Variants in TRMT9B observed in about 807,000 individuals in gnomAD.
The protein encoded by TRMT9B is probable tRNA methyltransferase 9B.
TRMT9B carries 16 observed loss-of-function variants against 11.5 expected under a neutral mutation model. The observed-to-expected ratio is 1.39, with a 90% CI of 0.94 to 2.11. The LOEUF (loss-of-function observed/expected upper bound fraction) is 2.11, where lower values mean the gene tolerates loss of function less well. Among genes scored for constraint, TRMT9B ranks in the 30% most tolerant of loss-of-function variants. The probability of loss-of-function intolerance (pLI) is 0.00; values close to 1 mark genes in which losing one functional copy is unlikely to be tolerated. For synonymous variants in TRMT9B, 274 were observed against 192.4 expected (o/e 1.42, Z -3.51); for missense variants, 941 against 553.8 (o/e 1.70, Z -7.02).
intron 1 of TRMT9B, chr8:12,962,119 T>A (rs575110302): frequency 6.6e-5 from 10 of 152,514 alleles, no homozygotes; most frequent in African/African-American, 2.2e-4. Context: ...GGATTCTCCA[T>A]GCTAGCTTTC....
At chr8:12,961,180 G>A (rs1191139696) in intron 1 of TRMT9B, among the ~76,000 whole-genome samples, 2 of 151,958 alleles carry the variant, frequency 1.3e-5, no homozygotes, top group Non-Finnish European at 2.9e-5. Flanking sequence ...GTGTGATATA[G>A]TAGTGGTGGA....
At chr8:13,000,105 C>G (rs1165802819) in intron 2 of TRMT9B, among the ~76,000 whole-genome samples, 1 of 152,092 alleles carries the variant, frequency 6.6e-6, no homozygotes, top group African/African-American at 2.4e-5. Flanking sequence ...ATCAAGAGTT[C>G]TGAGGGACCC....
rs1815043713 is a variant in TRMT9B at position 13,028,940 on chromosome 8, C to G, written c.*6896C>G. ...AACGCTGGCAATACATTAAGGCTCA[C>G]TAATGTGGACCTAAGTGAGTATCTG... On this transcript the variant is annotated 3_prime_UTR_variant, in exon 5 of 5. Coordinates refer to ENST00000524591, the MANE Select transcript of TRMT9B (RefSeq NM_020844.3). The G allele has an allele frequency of 1.2e-5, 2 of 167,020 alleles. No individual in the cohort carries two copies. The highest frequency in any genetic ancestry group is 2.9e-5 in the Non-Finnish European group (2 of 68,118). The allele number at this position is 167,020 out of a possible 1,614,324, so 10.3% of individuals were successfully genotyped here.
At chr8:12,971,931 T>A (rs1438027049) in intron 1 of TRMT9B, among the ~76,000 whole-genome samples, 1 of 152,114 alleles carries the variant, frequency 6.6e-6, no homozygotes, top group Non-Finnish European at 1.5e-5. Context: ...AAACCCTAAT[T>A]TCATGGAATT....
At chr8:13,014,007 C>G (rs917170876) in intron 4 of TRMT9B, among the ~76,000 whole-genome samples, 1 of 152,098 alleles carries the variant, frequency 6.6e-6, no homozygotes, top group African/African-American at 2.4e-5. Context: ...GAAAGATGAT[C>G]TTTTATAAAA....
At chr8:12,952,154 C>G (rs1004439616) in intron 1 of TRMT9B, 3 of 453,930 alleles carry the variant, frequency 6.6e-6, no homozygotes, top group South Asian at 4.7e-5. Flanking sequence ...TGTGACTACT[C>G]GCAACGGGAG....
rs1266095612 is a variant in TRMT9B, at chr8:13,012,959, TG to T, written c.328+103del. 4 of 1,316,724 alleles carry T rather than the reference TG, an allele frequency of 3.0e-6. No homozygotes were observed. The East Asian group carries it at 1.1e-4, about 36-fold the overall frequency. The allele number at this position is 1,316,724 out of a possible 1,614,324, so 81.6% of individuals were successfully genotyped here. ...CATCCGTTCTGTGTAGAAATGTCAA[TG>T]TAATTTATTTTATCTAATTTAAAAA... is the stretch of plus-strand genomic sequence containing the variant. On this transcript the variant is annotated intron_variant, in intron 4 of 4. Coordinates refer to ENST00000524591, the MANE Select transcript of TRMT9B (RefSeq NM_020844.3).
intron 4 of TRMT9B, among the ~76,000 whole-genome samples, chr8:13,015,919 T>C (rs1027855702): frequency 3.3e-5 from 5 of 151,936 alleles, no homozygotes; most frequent in Non-Finnish European, 5.9e-5. Flanking sequence ...TAATGTGATG[T>C]GGTTATTTTC....
Position 13,000,381 on chromosome 8 carries a change from C to T in TRMT9B, c.-1-5821C>T, listed in dbSNP as rs145437065. Among the ~76,000 whole-genome samples the T allele has an allele frequency of 1.8e-3, 267 of 152,264 alleles. 2 individuals are homozygous for T. Among genetic ancestry groups the T allele is most frequent in the African/African-American group, 6.3e-3 (262 of 41,556 alleles). On this transcript the variant is annotated intron_variant, in intron 2 of 4. Coordinates refer to ENST00000524591, the MANE Select transcript of TRMT9B (RefSeq NM_020844.3). The stretch of plus-strand genomic sequence containing the variant: ...CAATGTCCTTCTCTTTGTTTTTCTA[C>T]CCTTTGGAAACATGCCAGGCCACTA...
intron 1 of TRMT9B, among the ~76,000 whole-genome samples, chr8:12,963,636 T>G (rs2128864306): frequency 6.6e-6 from 1 of 151,650 alleles, no homozygotes; most frequent in South Asian, 2.1e-4. Context: ...TAGTTCTAGC[T>G]ACTCGGGAGG....
chr8:12,997,201 G>A (rs1808518603), intron 2 of TRMT9B, among the ~76,000 whole-genome samples: 1 of 152,040 alleles, frequency 6.6e-6, no homozygotes, highest in South Asian at 2.1e-4. Context: ...CTATTGGGAT[G>A]TGTTCGGGTT....
intron 1 of TRMT9B, among the ~76,000 whole-genome samples, chr8:12,961,095 T>C (rs1235804339): frequency 6.6e-6 from 1 of 151,660 alleles, no homozygotes; most frequent in African/African-American, 2.4e-5. Context: ...GAGCCGAGAT[T>C]GCACCACTGC....
At chr8:12,966,065 C>T (rs1447941702) in intron 1 of TRMT9B, among the ~76,000 whole-genome samples, 1 of 151,338 alleles carries the variant, frequency 6.6e-6, no homozygotes, top group Non-Finnish European at 1.5e-5. Context: ...GTGATGTACA[C>T]CTATAATCCG....
chr8:12,966,799 T>C (rs1316668234), intron 1 of TRMT9B, among the ~76,000 whole-genome samples: 1 of 152,194 alleles, frequency 6.6e-6, no homozygotes, highest in South Asian at 2.1e-4. Context: ...AGATGGGACC[T>C]GAGCTTCGTA....
At chr8:12,998,933 G>T (rs907791105) in intron 2 of TRMT9B, among the ~76,000 whole-genome samples, 3 of 152,142 alleles carry the variant, frequency 2.0e-5, no homozygotes, top group Non-Finnish European at 4.4e-5. Context: ...CTTTGAAATT[G>T]TGGCTGTTGG....
At chr8:13,005,689 G>A (rs1810331758) in intron 2 of TRMT9B, among the ~76,000 whole-genome samples, 3 of 152,192 alleles carry the variant, frequency 2.0e-5, no homozygotes, top group African/African-American at 7.2e-5. Flanking sequence ...CGTTTTGCCA[G>A]CTGTTGAAGT....
At chr8:12,998,327 C>T (rs949993297) in intron 2 of TRMT9B, among the ~76,000 whole-genome samples, 1 of 152,188 alleles carries the variant, frequency 6.6e-6, no homozygotes, top group Admixed American at 6.5e-5. Flanking sequence ...GTATTTTCCT[C>T]TAAAAGCTTT....
rs970360831 is a variant in TRMT9B, at chr8:13,026,067, C to G, written c.*4023C>G. 8 of 166,886 alleles carry G rather than the reference C, an allele frequency of 4.8e-5. No homozygotes were observed. The highest frequency in any genetic ancestry group is 1.9e-4 in the African/African-American group (8 of 41,378). The allele number at this position is 166,886 out of a possible 1,614,324, so 10.3% of individuals were successfully genotyped here. On this transcript the variant is annotated 3_prime_UTR_variant, in exon 5 of 5. Coordinates refer to ENST00000524591, the MANE Select transcript of TRMT9B (RefSeq NM_020844.3). Reference sequence around the variant, plus strand: ...CAGAAGTTCTAACTCAGTACTTGAACTTGGTGGGGGAGGGCACAGGTTAAA... The same window carrying G: ...CAGAAGTTCTAACTCAGTACTTGAAGTTGGTGGGGGAGGGCACAGGTTAAA...
rs114337853 is a variant in TRMT9B at position 12,988,549 on chromosome 8, G to A, written c.-199-2285G>A. Among the ~76,000 whole-genome samples, 898 of 152,156 alleles carry A rather than the reference G, an allele frequency of 5.9e-3. 5 individuals carry two copies. Among genetic ancestry groups the A allele is most frequent in the African/African-American group, 0.019 (803 of 41,494 alleles). ...GGAAACTTACAATCATGAGTGGAAGGGGAAGCAAACATATCCTTCTTCACA... is the reference window on the plus strand; with the variant it reads ...GGAAACTTACAATCATGAGTGGAAGAGGAAGCAAACATATCCTTCTTCACA... On this transcript the variant is annotated intron_variant, in intron 1 of 4. Transcript: ENST00000524591.
Sources: gnomAD v4.1 joint callset for allele counts (sites outside exome capture counted in the v4.1 genomes callset) on GRCh38, gnomAD v4.1.1 for gene constraint, MANE v1.5 for transcripts, NCBI Gene and HGNC (gene_info 2026-07-23, HGNC 2026-07-21) for gene names.